Variants in PTPRK observed in about 807,000 individuals in gnomAD.
The protein encoded by PTPRK is protein tyrosine phosphatase receptor type K, also known as receptor-type tyrosine-protein phosphatase kappa.
Under a neutral mutation model 178.0 loss-of-function variants are expected in PTPRK, and 75 were observed. The observed-to-expected ratio is 0.42, with a 90% CI of 0.35 to 0.51. PTPRK has a LOEUF of 0.51. PTPRK is among the 20% of genes least tolerant of loss of function. PTPRK has a pLI of 0.02. For synonymous variants in PTPRK, 637 were observed against 620.6 expected, an observed-to-expected ratio of 1.03 and a Z score of -0.39; for missense variants, 1,441 against 1,797.8, an observed-to-expected ratio of 0.80 and a Z score of 3.59.
At chr6:128,517,276 AC>A (rs1429934616) in intron 1 of PTPRK, among the ~76,000 whole-genome samples, 3 of 152,160 alleles carry the variant, frequency 2.0e-5, no homozygotes, top group African/African-American at 7.2e-5. Context: ...ATCATAAAAA[AC>A]ATGTGGAAAG....
intron 2 of PTPRK, among the ~76,000 whole-genome samples, chr6:128,348,506 A>G (rs1214706848): frequency 6.6e-6 from 1 of 150,620 alleles, no homozygotes; most frequent in Non-Finnish European, 1.5e-5. Flanking sequence ...AACTATGTTT[A>G]TTGTATTTTA....
chr6:128,518,729 G>T (rs1031161285), intron 1 of PTPRK, among the ~76,000 whole-genome samples: 1 of 152,090 alleles, frequency 6.6e-6, no homozygotes, highest in African/African-American at 2.4e-5. Flanking sequence ...TAAACCATTG[G>T]ATTATTTTTT....
At chr6:128,397,425 T>C (rs2128368950) in intron 2 of PTPRK, 141 bp downstream of exon 2, 2 of 923,270 alleles carry the variant, frequency 2.2e-6, no homozygotes, top group South Asian at 2.5e-5. Context: ...AGGCAAAGAA[T>C]AAGGCTCTTA....
At chr6:128,308,857 T>C (rs977534226) in intron 3 of PTPRK, among the ~76,000 whole-genome samples, 1 of 152,208 alleles carries the variant, frequency 6.6e-6, no homozygotes, top group Non-Finnish European at 1.5e-5. Flanking sequence ...TGCAGCTGAA[T>C]GAAACCTTTA....
intron 3 of PTPRK, among the ~76,000 whole-genome samples, chr6:128,260,433 TATC>T (rs1175135739): frequency 6.6e-6 from 1 of 152,096 alleles, no homozygotes; most frequent in Non-Finnish European, 1.5e-5. Flanking sequence ...AGATGGCCTT[TATC>T]ATTGCTACCC....
At chr6:128,104,151 ACTT>A (rs989955502) in intron 7 of PTPRK, among the ~76,000 whole-genome samples, 2 of 152,112 alleles carry the variant, frequency 1.3e-5, no homozygotes, top group African/African-American at 4.8e-5. Flanking sequence ...ATATCCATTT[ACTT>A]CTTCATTTTT....
In PTPRK at chr6:128,519,198, G is replaced by T; in HGVS notation, c.100+1061C>A. ...CTGGCGGGAGGTAGACAAGTGCTCG[G>T]GAGCCCGCTCCCCAGCGTCCACCTG... On this transcript the variant is annotated intron_variant, in intron 1 of 29. Transcript: ENST00000368226. This position sits in a 1 kb window ranked among gnomAD's most constrained non-coding sequence, Gnocchi z 4.3. 1 of 457,380 alleles carries T rather than the reference G, an allele frequency of 2.2e-6. No homozygotes were observed. 28.3% of individuals were successfully genotyped at this position (457,380 alleles called of 1,614,324 possible). A position where few individuals can be genotyped will look rare whatever the true frequency, so the allele number is the denominator to read the frequency against.
chr6:128,381,668 T>C (rs1837934307), intron 2 of PTPRK, among the ~76,000 whole-genome samples: 1 of 151,956 alleles, frequency 6.6e-6, no homozygotes, highest in South Asian at 2.1e-4. Context: ...TACAACAACA[T>C]TTACAGAGAG....
chr6:128,293,653 T>C (rs1223491385), intron 3 of PTPRK, among the ~76,000 whole-genome samples: 1 of 152,006 alleles, frequency 6.6e-6, no homozygotes, highest in Admixed American at 6.6e-5. Flanking sequence ...AAGCATGTAA[T>C]AAAATTTTAG....
chr6:128,032,629 G>A (rs547815963), intron 13 of PTPRK, among the ~76,000 whole-genome samples: 4 of 152,124 alleles, frequency 2.6e-5, no homozygotes, highest in African/African-American at 9.6e-5. Context: ...TAACTGTAAG[G>A]GTGAAAACAT....
intron 1 of PTPRK, among the ~76,000 whole-genome samples, chr6:128,490,576 A>C (rs529995774): frequency 4.6e-5 from 7 of 152,304 alleles, no homozygotes; most frequent in Admixed American, 2.6e-4. Flanking sequence ...AACAGCATTG[A>C]TTCCACAATC....
chr6:128,464,645 A>ATATATATATGTATATG (rs1365214318), intron 1 of PTPRK, among the ~76,000 whole-genome samples: 33 of 86,962 alleles, frequency 3.8e-4, no homozygotes, highest in African/African-American at 1.6e-3. Flanking sequence ...ACACATATAT[A>ATATATATATGTATATG]TATATATATA....
chr6:128,418,485 AT>A (rs1843084525), intron 1 of PTPRK, among the ~76,000 whole-genome samples: 1 of 152,190 alleles, frequency 6.6e-6, no homozygotes, highest in Admixed American at 6.5e-5. Context: ...GAACCCTATT[AT>A]GAAGTGCACA....
chr6:128,462,724 CG>C (rs1456860261), intron 1 of PTPRK, among the ~76,000 whole-genome samples: 1 of 151,706 alleles, frequency 6.6e-6, no homozygotes, highest in Non-Finnish European at 1.5e-5. Flanking sequence ...GGCATGATCT[CG>C]GCTCACTGCA....
At chr6:128,415,267 T>C (rs767866927) in intron 1 of PTPRK, among the ~76,000 whole-genome samples, 4 of 151,970 alleles carry the variant, frequency 2.6e-5, no homozygotes, top group Admixed American at 6.6e-5. Flanking sequence ...TATGTGAAAA[T>C]TGAAAGAAAA....
intron 24 of PTPRK, among the ~76,000 whole-genome samples, chr6:127,981,777 T>C (rs1308074794): frequency 6.6e-6 from 1 of 152,166 alleles, no homozygotes; most frequent in Admixed American, 6.5e-5. Flanking sequence ...AGTGAAAACA[T>C]TTAGGGCTAT....
chr6:128,397,967 T>G (rs904597446), intron 1 of PTPRK, among the ~76,000 whole-genome samples: 1 of 152,214 alleles, frequency 6.6e-6, no homozygotes, highest in African/African-American at 2.4e-5. Context: ...TAAGTCAGGC[T>G]TTCTTGAAAT....
At chr6:128,083,382 A>G (rs1785157525) in intron 9 of PTPRK, among the ~76,000 whole-genome samples, 1 of 152,016 alleles carries the variant, frequency 6.6e-6, no homozygotes, top group African/African-American at 2.4e-5. Flanking sequence ...AGTTTCTTAA[A>G]TTTATAAAAA....
At position 128,013,977 on chromosome 6, in the gene PTPRK, C is replaced by T. The variant is rs115077706; in HGVS notation, c.2195-4709G>A. Among the ~76,000 whole-genome samples the T allele has an allele frequency of 8.6e-3, 1,309 of 151,550 alleles. 21 individuals carry two copies. Among genetic ancestry groups the T allele is most frequent in the African/African-American group, 0.03 (1,226 of 41,414 alleles). On this transcript the variant is annotated intron_variant, in intron 13 of 29. Transcript: ENST00000368226. ...CTTCCCATTGCTGTTAAGGTAAAGCCCATGAAAGCAAAAACCATATTTATT... is the reference window on the plus strand; with the variant it reads ...CTTCCCATTGCTGTTAAGGTAAAGCTCATGAAAGCAAAAACCATATTTATT...
Sources: gnomAD v4.1 joint callset for allele counts (sites outside exome capture counted in the v4.1 genomes callset) on GRCh38, gnomAD v4.1.1 for gene constraint, Gnocchi (gnomAD v3.1) non-coding constraint, MANE v1.5 for transcripts, NCBI Gene and HGNC (gene_info 2026-07-23, HGNC 2026-07-21) for gene names.